TRIB3: variants seen among roughly 807,000 people sequenced by gnomAD.
TRIB3 encodes the protein tribbles homolog 3.
TRIB3 carries 20 observed loss-of-function variants against 16.6 expected under a neutral mutation model. That is an observed-to-expected ratio of 1.20 (90% confidence interval 0.85 to 1.75). TRIB3 has a LOEUF of 1.75. Ranked by LOEUF, TRIB3 falls within the 40% of genes most tolerant of loss-of-function variation. The pLI, the probability that TRIB3 is intolerant of heterozygous loss-of-function variation, is 0.00. For missense variants in TRIB3, 484 were observed against 488.9 expected (o/e 0.99, Z 0.10); for synonymous variants, 208 against 217.0 (o/e 0.96, Z 0.36).
intron 1 of TRIB3, among the ~76,000 whole-genome samples, chr20:382,131 G>T (rs2014677178): frequency 6.9e-6 from 1 of 144,410 alleles, no homozygotes; most frequent in African/African-American, 2.6e-5. Context: ...GTGTGTGCGT[G>T]CGCGCGCGCG....
chr20:382,936 G>A (rs1194310833), intron 1 of TRIB3, among the ~76,000 whole-genome samples: 1 of 152,220 alleles, frequency 6.6e-6, no homozygotes, highest in Non-Finnish European at 1.5e-5. Context: ...CCTCTGTCTG[G>A]TAACTGACTC....
At chr20:384,613 C>T (rs1323293915) in intron 1 of TRIB3, among the ~76,000 whole-genome samples, 3 of 152,182 alleles carry the variant, frequency 2.0e-5, no homozygotes, top group African/African-American at 7.2e-5. Context: ...CTGCCTGCCT[C>T]GGCCTCCCAA....
chr20:395,617 G>A (rs73565394), intron 3 of TRIB3, among the ~76,000 whole-genome samples: 2,083 of 152,206 alleles, frequency 0.014, 56 homozygotes, highest in African/African-American at 0.047. Flanking sequence ...GAACTGCGAG[G>A]GTGGGTCACA....
At position 396,662 on chromosome 20, in the gene TRIB3, G is replaced by C. The variant is rs750191742; in HGVS notation, c.1049G>C (p.Gly350Ala). 1 of 1,612,192 alleles carries C rather than the reference G, an allele frequency of 6.2e-7. No individual in the cohort carries two copies. The highest frequency in any genetic ancestry group is 1.1e-5 in the South Asian group (1 of 91,040). ...LGLDEAREEE[G>A]DREVVLYG The stretch of plus-strand genomic sequence containing the variant: ...CTGGACGAAGCCAGGGAAGAGGAGG[G>C]AGACAGAGAAGTGGTTCTGTATGGC... Residue 350 changes from glycine to alanine, a missense_variant, in exon 4 of 4, where the codon GGA becomes GCA. Physicochemically the swap from Gly to Ala is moderately conservative, Grantham distance 60 (BLOSUM62 0). Coordinates refer to ENST00000217233, the MANE Select transcript of TRIB3 (RefSeq NM_021158.5).
At chr20:391,787 C>T (rs745325929) in intron 3 of TRIB3, among the ~76,000 whole-genome samples, 9 of 152,082 alleles carry the variant, frequency 5.9e-5, no homozygotes, top group African/African-American at 1.2e-4. Context: ...TTTGGGAGGC[C>T]GAGGTGGGTG....
chr20:382,369 A>C, intron 1 of TRIB3: 1 of 647,056 alleles, frequency 1.5e-6, no homozygotes, highest in Non-Finnish European at 2.6e-6. Context: ...GCCGGGGCCA[A>C]GGCAGCCTGG....
rs372541563 is a variant in TRIB3, at chr20:391,386, C to T, written c.391C>T (p.Gln131Ter). 5.6e-5 allele frequency: 91 copies of T among 1,613,590 alleles called. No homozygotes were observed. The highest frequency in any genetic ancestry group is 7.6e-5 in the Non-Finnish European group (90 of 1,180,034). The change falls in exon 3 of 4, where the codon CAG becomes TAG. Residue 131 changes from glutamine (Q) to a stop codon, truncating the protein, a stop_gained. Transcript: ENST00000217233. LOFTEE classifies it high-confidence loss of function. Reference sequence around the variant, plus strand: ...GCCCACTGAGGTCCTGGCTGGTACCCAGCTCCTCTACGCCTTTTTCACTCG... The same window carrying T: ...GCCCACTGAGGTCCTGGCTGGTACCTAGCTCCTCTACGCCTTTTTCACTCG... Reference protein sequence around the residue: ...ARPTEVLAGTQLLYAFFTRTH... With the variant: ...ARPTEVLAGT
At chr20:390,622 C>G (rs903256867) in intron 2 of TRIB3, among the ~76,000 whole-genome samples, 1 of 152,128 alleles carries the variant, frequency 6.6e-6, no homozygotes, top group Non-Finnish European at 1.5e-5. Flanking sequence ...CGGATTCCTC[C>G]TGCTTTGTGG....
intron 3 of TRIB3, among the ~76,000 whole-genome samples, chr20:394,777 C>A (rs1228088330): frequency 6.6e-6 from 1 of 151,242 alleles, no homozygotes; most frequent in Non-Finnish European, 1.5e-5. Flanking sequence ...CAGAGTGAGA[C>A]CCTATCTCTA....
intron 1 of TRIB3, chr20:382,541 C>T (rs1443195623): frequency 6.5e-7 from 1 of 1,535,644 alleles, no homozygotes. Flanking sequence ...CTAAGACTCC[C>T]AAGGATGGTA....
chr20:390,303 G>A (rs945166987), intron 2 of TRIB3, among the ~76,000 whole-genome samples: 1 of 151,976 alleles, frequency 6.6e-6, no homozygotes, highest in African/African-American at 2.4e-5. Flanking sequence ...ACTCCAGCCT[G>A]GGCAACAAGA....
intron 1 of TRIB3, among the ~76,000 whole-genome samples, chr20:382,825 C>T (rs2014699298): frequency 6.6e-6 from 1 of 152,224 alleles, no homozygotes; most frequent in South Asian, 2.1e-4. Context: ...CTCCTTACTG[C>T]ATTCTTACCA....
In TRIB3 at chr20:391,585, T is replaced by C. The variant is rs773130477; in HGVS notation, c.584+6T>C. ...GTCTTCGCTGACCGTGAGAGGTGAG[T>C]GTGGTCTCAGAGACCCCAGCCACAG... On this transcript the variant is annotated splice_donor_region_variant and intron_variant, in intron 3 of 3. Coordinates refer to ENST00000217233, the MANE Select transcript of TRIB3 (RefSeq NM_021158.5). The C allele has an allele frequency of 2.5e-6, 4 of 1,602,276 alleles. No individual in the cohort carries two copies. Among genetic ancestry groups the C allele is most frequent in the Non-Finnish European group, 3.4e-6 (4 of 1,172,882 alleles).
chr20:391,101 C>T (rs982046613), intron 2 of TRIB3, among the ~76,000 whole-genome samples, 186 bp from the exon 3 acceptor site: 1 of 151,586 alleles, frequency 6.6e-6, no homozygotes, highest in African/African-American at 2.4e-5. Flanking sequence ...GCTTCGTTAA[C>T]CGTAAAATGG....
chr20:394,032 CTTTTTT>C (rs745870371), intron 3 of TRIB3, among the ~76,000 whole-genome samples: 1 of 123,660 alleles, frequency 8.1e-6, no homozygotes, highest in African/African-American at 3.1e-5. Context: ...TTCTTTCTTT[CTTTTTT>C]TTTTTTTTTT....
intron 2 of TRIB3, among the ~76,000 whole-genome samples, chr20:388,848 C>A (rs1160487186): frequency 1.3e-5 from 2 of 152,064 alleles, no homozygotes; most frequent in Non-Finnish European, 2.9e-5. Flanking sequence ...ACTCCTGGGA[C>A]CTCGGAGGTG....
chr20:389,036 C>T (rs527291783), intron 2 of TRIB3, among the ~76,000 whole-genome samples: 1 of 152,274 alleles, frequency 6.6e-6, no homozygotes, highest in East Asian at 1.9e-4. Flanking sequence ...CCCTGAGGGT[C>T]AGCCCATGCA....
At chr20:393,332 T>C (rs2015030341) in intron 3 of TRIB3, among the ~76,000 whole-genome samples, 1 of 135,532 alleles carries the variant, frequency 7.4e-6, no homozygotes. Context: ...CCCATGACCT[T>C]GACACTTTTT....
Position 385,257 on chromosome 20 carries a change from CGTGT to C in TRIB3, c.1-2752_1-2749del, listed in dbSNP as rs1568532533. Reference sequence around the variant, plus strand: ...ACTCCTGAGTAGCTGGGATTACAGGCGTGTGCCACCACGCCCGGCTAATTTTTGT... The same window carrying C: ...ACTCCTGAGTAGCTGGGATTACAGGCGCCACCACGCCCGGCTAATTTTTGT... On this transcript the variant is annotated intron_variant, in intron 1 of 3. Transcript: ENST00000217233. Among the ~76,000 whole-genome samples, 57 of 151,930 alleles carry C rather than the reference CGTGT, an allele frequency of 3.8e-4. 1 individual carries two copies. The highest frequency in any genetic ancestry group is 1.4e-3 in the African/African-American group (57 of 41,340).
Sources: gnomAD v4.1 joint callset for allele counts (sites outside exome capture counted in the v4.1 genomes callset) on GRCh38, gnomAD v4.1.1 for gene constraint, MANE v1.5 for transcripts, NCBI Gene and HGNC (gene_info 2026-07-23, HGNC 2026-07-21) for gene names.